UGT1A10: variants seen among roughly 807,000 people sequenced by gnomAD.
The protein encoded by UGT1A10 is UDP glucuronosyltransferase family 1 member A10, also known as UDP-glucuronosyltransferase 1A10.
Under a neutral mutation model 45.8 loss-of-function variants are expected in UGT1A10, and 49 were observed. That is an observed-to-expected ratio of 1.07 (90% CI 0.85 to 1.36). UGT1A10 has a LOEUF of 1.36. Ranked by LOEUF, UGT1A10 falls within the 40% of genes most tolerant of loss-of-function variation. UGT1A10 has a pLI of 0.00. For missense variants in UGT1A10, 745 were observed against 668.6 expected, an observed-to-expected ratio of 1.11 and a Z score of -1.26; for synonymous variants, 284 against 249.7, an observed-to-expected ratio of 1.14 and a Z score of -1.29.
At chr2:233,744,603 G>A (rs894598694) in intron 1 of UGT1A10, among the ~76,000 whole-genome samples, 6 of 151,902 alleles carry the variant, frequency 3.9e-5, no homozygotes, top group African/African-American at 9.7e-5. Context: ...TCTCTCTTTA[G>A]TACTTGGCTC....
chr2:233,647,132 T>G (rs895547283), intron 1 of UGT1A10, among the ~76,000 whole-genome samples: 21 of 152,298 alleles, frequency 1.4e-4, no homozygotes, highest in Non-Finnish European at 2.9e-4. Context: ...TCGTGAGACT[T>G]ACTTACTACT....
At chr2:233,718,198 T>C (rs545354446) in intron 1 of UGT1A10, among the ~76,000 whole-genome samples, 1 of 152,168 alleles carries the variant, frequency 6.6e-6, no homozygotes, top group African/African-American at 2.4e-5. Flanking sequence ...TCCCCGGAGC[T>C]TTTTTTTATA....
chr2:233,768,916 T>A (rs1454588101), intron 4 of UGT1A10, among the ~76,000 whole-genome samples: 1 of 152,138 alleles, frequency 6.6e-6, no homozygotes, highest in African/African-American at 2.4e-5. Context: ...TAGAGGTTAT[T>A]ATTCACTTTA....
intron 1 of UGT1A10, among the ~76,000 whole-genome samples, chr2:233,643,511 G>A (rs553358607): frequency 8.5e-5 from 13 of 152,102 alleles, no homozygotes; most frequent in Non-Finnish European, 1.9e-4. Flanking sequence ...CTGGAATCAG[G>A]GACCCCAAAA....
At chr2:233,682,504 T>C (rs903531328) in intron 1 of UGT1A10, 4 of 1,613,870 alleles carry the variant, frequency 2.5e-6, no homozygotes, top group Non-Finnish European at 3.4e-6. Flanking sequence ...CTCTTTCCTA[T>C]GTCCCCAGAC....
Position 233,665,351 on chromosome 2 carries a change from A to G in UGT1A10, c.855+27974A>G, listed in dbSNP as rs372685387. Among the ~76,000 whole-genome samples the G allele has an allele frequency of 2.6e-5, 4 of 152,302 alleles. No homozygotes were observed. The East Asian group carries it at 7.7e-4, about 29-fold the overall frequency. ...AAACACTCTTTAATACTTTCTTTAC[A>G]TTACTATATTTCCATATTCGTAGCC... On this transcript the variant is annotated intron_variant, in intron 1 of 4. Transcript: ENST00000344644.
At chr2:233,638,699 T>C (rs1198429810) in intron 1 of UGT1A10, among the ~76,000 whole-genome samples, 1 of 152,184 alleles carries the variant, frequency 6.6e-6, no homozygotes, top group Non-Finnish European at 1.5e-5. Context: ...TTTTTATGTA[T>C]TGTTCTGGTT....
At chr2:233,678,506 C>T (rs892905431) in intron 1 of UGT1A10, among the ~76,000 whole-genome samples, 10 of 152,070 alleles carry the variant, frequency 6.6e-5, no homozygotes, top group Admixed American at 1.3e-4. Flanking sequence ...GGAAATACAT[C>T]ATAATTACTG....
intron 1 of UGT1A10, chr2:233,747,579 G>A (rs1304501240): frequency 1.5e-5 from 24 of 1,582,358 alleles, no homozygotes; most frequent in Non-Finnish European, 2.0e-5. Context: ...TTCATCTTTG[G>A]TCTTTCATAG....
chr2:233,644,039 C>G (rs911290855), intron 1 of UGT1A10, among the ~76,000 whole-genome samples: 1 of 152,172 alleles, frequency 6.6e-6, no homozygotes, highest in African/African-American at 2.4e-5. Flanking sequence ...TGTCGGTACT[C>G]CCTTGGCTGC....
intron 1 of UGT1A10, among the ~76,000 whole-genome samples, chr2:233,725,500 A>C (rs2125714454): frequency 6.6e-6 from 1 of 152,210 alleles, no homozygotes; most frequent in East Asian, 1.9e-4. Flanking sequence ...GAAACCACTG[A>C]AATTAATTTT....
intron 1 of UGT1A10, chr2:233,719,395 C>A (rs770164749): frequency 4.0e-5 from 64 of 1,613,854 alleles, no homozygotes; most frequent in Non-Finnish European, 5.2e-5. Context: ...AATCCTTCCT[C>A]CTATATTCCT....
intron 1 of UGT1A10, chr2:233,690,415 C>A: frequency 8.3e-7 from 1 of 1,207,142 alleles, no homozygotes; most frequent in Non-Finnish European, 1.1e-6. Flanking sequence ...CATGAAATTA[C>A]CTTCATGCAC....
chr2:233,653,415 A>G (rs929457071), intron 1 of UGT1A10, among the ~76,000 whole-genome samples: 1 of 152,188 alleles, frequency 6.6e-6, no homozygotes, highest in Non-Finnish European at 1.5e-5. Flanking sequence ...AATAGGTTAA[A>G]AAAGGAAAAG....
intron 1 of UGT1A10, chr2:233,747,117 G>C: frequency 6.9e-7 from 1 of 1,451,680 alleles, no homozygotes; most frequent in Non-Finnish European, 9.3e-7. Flanking sequence ...ATGATGATTT[G>C]CTAAGTGGCT....
At chr2:233,693,309 G>T in intron 1 of UGT1A10, 3 of 1,614,154 alleles carry the variant, frequency 1.9e-6, no homozygotes, top group Non-Finnish European at 1.7e-6. Flanking sequence ...TTTGCTGAGC[G>T]ATCATTCCTA....
chr2:233,738,894 A>C lies in UGT1A10; in HGVS notation c.856-28140A>C. ...TCCAGGGCATGTCAGAGACCTTTGC[A>C]GCAGACCCTCCCATCACAGGCCTGG... On this transcript the variant is annotated intron_variant, in intron 1 of 4. Transcript: ENST00000344644. 2 of 152,268 alleles carry C rather than the reference A, an allele frequency of 1.3e-5. 1 individual carries two copies. Among genetic ancestry groups the C allele is most frequent in the Non-Finnish European group, 2.9e-5 (2 of 68,064 alleles). 9.4% of individuals were successfully genotyped at this position (152,268 alleles called of 1,614,324 possible).
At chr2:233,652,168 C>T (rs1031254016) in intron 1 of UGT1A10, among the ~76,000 whole-genome samples, 2 of 152,148 alleles carry the variant, frequency 1.3e-5, no homozygotes, top group African/African-American at 4.8e-5. Context: ...ATCTGGGCTT[C>T]CCCCATTGCT....
chr2:233,711,076 G>A (rs1307844481), intron 1 of UGT1A10, among the ~76,000 whole-genome samples: 2 of 152,172 alleles, frequency 1.3e-5, no homozygotes, highest in Non-Finnish European at 2.9e-5. Flanking sequence ...TTATGCTGAT[G>A]GCTCCAAGTC....
Sources: allele counts gnomAD v4.1 joint callset (sites outside exome capture counted in the v4.1 genomes callset), GRCh38; gene constraint gnomAD v4.1.1; transcripts MANE v1.5; gene names NCBI Gene and HGNC (gene_info 2026-07-23, HGNC 2026-07-21).